NRG1: variants seen among roughly 807,000 people sequenced by gnomAD.
NRG1 encodes the protein pro-neuregulin-1, membrane-bound isoform.
A neutral mutation model predicts 63.8 loss-of-function variants in NRG1; 18 were observed. The ratio of observed to expected loss-of-function variants is 0.28; its 90% CI spans 0.19 to 0.42. The LOEUF (loss-of-function observed/expected upper bound fraction) is 0.42, where lower values mean the gene tolerates loss of function less well. NRG1 is among the 10% of genes least tolerant of loss of function. NRG1 has a pLI of 1.00. For synonymous variants in NRG1, 302 were observed against 301.3 expected, an observed-to-expected ratio of 1.00 and a Z score of -0.02; for missense variants, 762 against 814.7, an observed-to-expected ratio of 0.94 and a Z score of 0.79.
chr8:32,730,446 G>A (rs1045011775), intron 6 of NRG1, among the ~76,000 whole-genome samples: 5 of 151,922 alleles, frequency 3.3e-5, no homozygotes, highest in Admixed American at 1.3e-4. Flanking sequence ...GAGTAAGGCT[G>A]TCAAAATAAA....
At chr8:32,385,658 AAC>A (rs1019965805) in intron 1 of NRG1, among the ~76,000 whole-genome samples, 2 of 152,098 alleles carry the variant, frequency 1.3e-5, no homozygotes, top group Non-Finnish European at 2.9e-5. Flanking sequence ...TCACCGTCAC[AAC>A]AGTACCAAGG....
At chr8:32,088,821 G>T (rs186712763) in intron 1 of NRG1, among the ~76,000 whole-genome samples, 1 of 151,914 alleles carries the variant, frequency 6.6e-6, no homozygotes, top group Admixed American at 6.6e-5. Context: ...CCTGGCCCAG[G>T]TCATCACGTT....
intron 5 of NRG1, among the ~76,000 whole-genome samples, chr8:32,634,757 T>C (rs150169723): frequency 9.6e-4 from 147 of 152,352 alleles, no homozygotes; most frequent in African/African-American, 3.2e-3. Flanking sequence ...TGATCTCTTA[T>C]GTAATTGATG....
chr8:32,424,478 C>T (rs1348134500), intron 1 of NRG1, among the ~76,000 whole-genome samples: 2 of 152,070 alleles, frequency 1.3e-5, no homozygotes, highest in African/African-American at 2.4e-5. Context: ...AAATGAAGAA[C>T]GAAATGAGGC....
intron 1 of NRG1, among the ~76,000 whole-genome samples, chr8:32,491,780 G>T (rs1826596967): frequency 6.6e-6 from 1 of 152,204 alleles, no homozygotes; most frequent in Non-Finnish European, 1.5e-5. Flanking sequence ...GGATCTGATA[G>T]CACCTTCCTG....
intron 1 of NRG1, among the ~76,000 whole-genome samples, chr8:31,720,416 A>T (rs942117821): frequency 6.6e-6 from 1 of 152,176 alleles, no homozygotes; most frequent in Non-Finnish European, 1.5e-5. Context: ...TGCACAGATC[A>T]TCCCATCACC....
intron 1 of NRG1, among the ~76,000 whole-genome samples, chr8:31,837,913 A>G (rs982726027): frequency 6.6e-6 from 1 of 152,004 alleles, no homozygotes; most frequent in African/African-American, 2.4e-5. Context: ...TCTGTATTTC[A>G]CTATTGAAAA....
intron 1 of NRG1, among the ~76,000 whole-genome samples, chr8:32,061,992 T>G (rs1823954745): frequency 6.6e-6 from 1 of 151,968 alleles, no homozygotes; most frequent in South Asian, 2.1e-4. Context: ...GACATACAAG[T>G]ACCCAAGAGA....
At chr8:32,378,006 T>A (rs1007144597) in intron 1 of NRG1, among the ~76,000 whole-genome samples, 2 of 152,128 alleles carry the variant, frequency 1.3e-5, no homozygotes, top group African/African-American at 4.8e-5. Context: ...CTAGAAATTG[T>A]ATTGGATGAA....
intron 1 of NRG1, among the ~76,000 whole-genome samples, chr8:32,364,375 A>G (rs1807667963): frequency 6.6e-6 from 1 of 152,100 alleles, no homozygotes; most frequent in Non-Finnish European, 1.5e-5. Context: ...TGCATATATA[A>G]GACAAAATAT....
At chr8:31,820,203 C>T (rs891639963) in intron 1 of NRG1, among the ~76,000 whole-genome samples, 1 of 152,112 alleles carries the variant, frequency 6.6e-6, no homozygotes, top group Non-Finnish European at 1.5e-5. Flanking sequence ...TGGAGTAACG[C>T]GATGAGGGCC....
chr8:32,381,240 C>G (rs1810304611), intron 1 of NRG1, among the ~76,000 whole-genome samples: 1 of 152,196 alleles, frequency 6.6e-6, no homozygotes, highest in South Asian at 2.1e-4. Flanking sequence ...CTGGAACACT[C>G]TTCCCTTGAT....
intron 1 of NRG1, among the ~76,000 whole-genome samples, chr8:32,210,321 A>C (rs542444852): frequency 6.6e-6 from 1 of 152,218 alleles, no homozygotes; most frequent in Non-Finnish European, 1.5e-5. Context: ...TCCAGTGATC[A>C]GCAGAGCAAT....
intron 1 of NRG1, among the ~76,000 whole-genome samples, chr8:32,293,149 C>G (rs1854409763): frequency 6.6e-6 from 1 of 151,872 alleles, no homozygotes. Context: ...AAATGGCCCC[C>G]AAAAGATATC....
At chr8:32,084,799 G>T (rs1230806436) in intron 1 of NRG1, among the ~76,000 whole-genome samples, 1 of 152,140 alleles carries the variant, frequency 6.6e-6, no homozygotes, top group Admixed American at 6.6e-5. Context: ...GCTTCAAGGA[G>T]AGATCAGAAA....
intron 1 of NRG1, among the ~76,000 whole-genome samples, chr8:32,574,090 G>A (rs1320451446): frequency 6.6e-6 from 1 of 152,100 alleles, no homozygotes; most frequent in Non-Finnish European, 1.5e-5. Context: ...CTTTGCTATT[G>A]TGAATAGTGC....
chr8:32,569,572 A>G (rs1838121491), intron 1 of NRG1, among the ~76,000 whole-genome samples: 1 of 152,140 alleles, frequency 6.6e-6, no homozygotes, highest in South Asian at 2.1e-4. Context: ...AAAAAATTAT[A>G]TGAAAACTGT....
chr8:31,870,680 G>A (rs1479176905), intron 1 of NRG1, among the ~76,000 whole-genome samples: 1 of 152,070 alleles, frequency 6.6e-6, no homozygotes, highest in Non-Finnish European at 1.5e-5. Context: ...ATTTCCTAAA[G>A]GGCATTTCTC....
At chr8:32,481,357 T>TAAATAAAC (rs5890653) in intron 1 of NRG1, among the ~76,000 whole-genome samples, 45 of 151,148 alleles carry the variant, frequency 3.0e-4, no homozygotes, top group Admixed American at 5.3e-4. Flanking sequence ...AATAAATAAA[T>TAAATAAAC]AAACAAACAA....
Sources: gnomAD v4.1 joint callset for allele counts (sites outside exome capture counted in the v4.1 genomes callset) on GRCh38, gnomAD v4.1.1 for gene constraint, MANE v1.5 for transcripts, NCBI Gene and HGNC (gene_info 2026-07-23, HGNC 2026-07-21) for gene names.